Variants in COL5A2 observed in about 807,000 individuals in gnomAD.
COL5A2 encodes the protein collagen type V alpha 2 chain.
In COL5A2, 23 loss-of-function variants were observed where a neutral mutation model predicts 208.2. That is an observed-to-expected ratio of 0.11 (90% CI 0.08 to 0.16). The LOEUF is 0.16. Ranked by LOEUF, COL5A2 falls within the 10% of genes least tolerant of loss-of-function variation. The pLI, the probability that COL5A2 is intolerant of heterozygous loss-of-function variation, is 1.00. For synonymous variants in COL5A2, 625 were observed against 628.5 expected, an observed-to-expected ratio of 0.99 and a Z score of 0.08; for missense variants, 1,590 against 1,956.4, an observed-to-expected ratio of 0.81 and a Z score of 3.53.
In COL5A2 at chr2:189,092,296, T is replaced by G. The variant is rs1488240781; in HGVS notation, c.567+14A>C. 6.6e-7 allele frequency: 1 copy of G among 1,512,096 alleles called. No individual in the cohort carries two copies. The highest frequency in any genetic ancestry group is 9.1e-7 in the Non-Finnish European group (1 of 1,093,630). 93.7% of individuals were successfully genotyped at this position (1,512,096 alleles called of 1,614,324 possible). On this transcript the variant is annotated intron_variant, in intron 7 of 53. Transcript: ENST00000374866. ...ATGACCTGTACGTGACATCAAACAA[T>G]GCACACAACTCACCCTGCTCAAGCC...
At chr2:189,191,170 CAAAA>C (rs1288537416) in intron 1 of COL5A2, among the ~76,000 whole-genome samples, 2 of 135,000 alleles carry the variant, frequency 1.5e-5, no homozygotes, top group South Asian at 4.8e-4. Context: ...AAACAAACAA[CAAAA>C]AACAACAACA....
Position 189,063,991 on chromosome 2 carries a change from G to A in COL5A2, c.1759C>T (p.Leu587Phe). 6.2e-7 allele frequency: 1 copy of A among 1,613,082 alleles called. No homozygotes were observed. Among genetic ancestry groups the A allele is most frequent in the Non-Finnish European group, 8.5e-7 (1 of 1,179,428 alleles). Residue 587 changes from leucine (L) to phenylalanine (F), a missense_variant, in exon 26 of 54, where the codon CTT becomes TTT. Leu to Phe is a conservative substitution (Grantham distance 22). Transcript: ENST00000374866. ...TTTAAATTACTTACCAAAGGTCCAA[G>A]TTTTCCTTCAGGACCTTGAACACCA... ...NPGVQGPEGK[L>F]GPLGAPGEDG... is the part of the protein sequence containing the mutation.
the COL5A2 span, among the ~76,000 whole-genome samples, chr2:189,279,066 G>A: frequency 6.2e-3 from 942 of 151,798 alleles, 9 homozygotes; most frequent in African/African-American, 0.021. Flanking sequence ...CAAGAAATAC[G>A]AATATCCTTA....
chr2:189,201,423 C>T (rs546422132), intron 1 of COL5A2, among the ~76,000 whole-genome samples: 2 of 151,606 alleles, frequency 1.3e-5, no homozygotes, highest in South Asian at 2.1e-4. Flanking sequence ...CAGAATGCAA[C>T]ACAGGAAAAC....
the COL5A2 span, among the ~76,000 whole-genome samples, chr2:189,350,025 T>C: frequency 6.6e-6 from 1 of 152,182 alleles, no homozygotes; most frequent in Middle Eastern, 3.2e-3. Flanking sequence ...AACAGACTAA[T>C]TTATTCATAT....
At chr2:189,097,046 A>T (rs935342566) in intron 6 of COL5A2, among the ~76,000 whole-genome samples, 1 of 152,240 alleles carries the variant, frequency 6.6e-6, no homozygotes, top group African/African-American at 2.4e-5. Context: ...AACTCATGAC[A>T]TGTTAACTAT....
At chr2:189,136,829 C>T (rs1270193962) in intron 1 of COL5A2, among the ~76,000 whole-genome samples, 2 of 151,992 alleles carry the variant, frequency 1.3e-5, no homozygotes, top group African/African-American at 4.8e-5. Flanking sequence ...CATTGTCTTG[C>T]CAAATATATT....
chr2:189,269,979 A>G, the COL5A2 span, among the ~76,000 whole-genome samples: 1 of 152,222 alleles, frequency 6.6e-6, no homozygotes, highest in Non-Finnish European at 1.5e-5. Flanking sequence ...GTATGTGTCC[A>G]GGAATTTATC....
At chr2:189,359,507 A>G in the COL5A2 span, among the ~76,000 whole-genome samples, 1 of 152,164 alleles carries the variant, frequency 6.6e-6, no homozygotes, top group Admixed American at 6.6e-5. Flanking sequence ...TCTGCTTCTC[A>G]GGGATACTGG....
At chr2:189,104,380 T>C in intron 2 of COL5A2, 103 bp from the exon 3 acceptor site, 2 of 861,830 alleles carry the variant, frequency 2.3e-6, no homozygotes, top group Non-Finnish European at 3.9e-6. Flanking sequence ...GAGTCAGAAT[T>C]ACAGTGATAG....
chr2:189,187,999 A>G (rs1179722825), intron 1 of COL5A2, among the ~76,000 whole-genome samples: 1 of 151,180 alleles, frequency 6.6e-6, no homozygotes, highest in East Asian at 1.9e-4. Context: ...AAATTTACTT[A>G]AAGACCAAAA....
chr2:189,212,584 A>G (rs1331521001), intron 1 of COL5A2, among the ~76,000 whole-genome samples: 1 of 151,444 alleles, frequency 6.6e-6, no homozygotes, highest in Non-Finnish European at 1.5e-5. Context: ...GGTTGCAGTG[A>G]GCCGAGATCG....
the COL5A2 span, among the ~76,000 whole-genome samples, chr2:189,411,319 T>C: frequency 2.6e-5 from 4 of 152,206 alleles, no homozygotes; most frequent in African/African-American, 9.6e-5. Context: ...TAAACCTAAG[T>C]TACAACGAAT....
At chr2:189,159,839 C>A (rs1300970350) in intron 1 of COL5A2, among the ~76,000 whole-genome samples, 1 of 151,948 alleles carries the variant, frequency 6.6e-6, no homozygotes, top group African/African-American at 2.4e-5. Flanking sequence ...GAGATTGAAC[C>A]ACTGCACTCC....
At chr2:189,432,392 G>C in the COL5A2 span, among the ~76,000 whole-genome samples, 3 of 152,096 alleles carry the variant, frequency 2.0e-5, no homozygotes, top group Non-Finnish European at 4.4e-5. Flanking sequence ...CTGGCAAATT[G>C]GATAAAGAGT....
At chr2:189,181,615 T>G (rs1416503225), upstream of COL5A2, among the ~76,000 whole-genome samples, 2 of 152,160 alleles carry the variant, frequency 1.3e-5, no homozygotes, top group African/African-American at 4.8e-5. Flanking sequence ...TTCAGGCACC[T>G]TGTGCAGCAT....
At chr2:189,143,508 C>G (rs540820342) in intron 1 of COL5A2, among the ~76,000 whole-genome samples, 1 of 152,278 alleles carries the variant, frequency 6.6e-6, no homozygotes, top group East Asian at 1.9e-4. Flanking sequence ...CTAATAAAGT[C>G]TCTCTCATAT....
chr2:189,406,897 G>A, the COL5A2 span, among the ~76,000 whole-genome samples: 1 of 152,094 alleles, frequency 6.6e-6, no homozygotes, highest in Non-Finnish European at 1.5e-5. Flanking sequence ...TATAGGTGCT[G>A]AAGAAACTGG....
At chr2:189,132,142 T>C (rs1425936352) in intron 1 of COL5A2, among the ~76,000 whole-genome samples, 1 of 152,264 alleles carries the variant, frequency 6.6e-6, no homozygotes, top group Non-Finnish European at 1.5e-5. Flanking sequence ...CAAAGTTCTC[T>C]GACCTCAAGT....
Sources: gnomAD v4.1 joint callset for allele counts (sites outside exome capture counted in the v4.1 genomes callset) on GRCh38, gnomAD v4.1.1 for gene constraint, MANE v1.5 for transcripts, NCBI Gene and HGNC (gene_info 2026-07-23, HGNC 2026-07-21) for gene names.